The following GRID2 variants were observed in gnomAD, a reference collection of about 807,000 sequenced individuals.
GRID2 encodes glutamate ionotropic receptor delta type subunit 2.
GRID2 carries 33 observed loss-of-function variants against 114.8 expected under a neutral mutation model. The ratio of observed to expected loss-of-function variants is 0.29; its 90% CI spans 0.22 to 0.38. The LOEUF (loss-of-function observed/expected upper bound fraction) is 0.38, where lower values mean the gene tolerates loss of function less well. Ranked by LOEUF, GRID2 falls within the 10% of genes least tolerant of loss-of-function variation. The pLI, the probability that GRID2 is intolerant of heterozygous loss-of-function variation, is 1.00. For synonymous variants in GRID2, 505 were observed against 449.9 expected (o/e 1.12, Z -1.55); for missense variants, 1,184 against 1,257.7 (o/e 0.94, Z 0.89).
chr4:92,355,276 G>A (rs1163928640), intron 1 of GRID2, among the ~76,000 whole-genome samples: 2 of 151,620 alleles, frequency 1.3e-5, no homozygotes, highest in African/African-American at 4.8e-5. Flanking sequence ...CTTTGAAATG[G>A]ATTTTTTTTT....
chr4:92,640,085 T>C (rs1045659968), intron 2 of GRID2, among the ~76,000 whole-genome samples: 1 of 151,798 alleles, frequency 6.6e-6, no homozygotes, highest in African/African-American at 2.4e-5. Context: ...TAGTGCATAA[T>C]GTGCATAATC....
intron 2 of GRID2, among the ~76,000 whole-genome samples, chr4:92,967,106 C>T (rs1404642172): frequency 2.0e-5 from 3 of 151,854 alleles, no homozygotes; most frequent in Non-Finnish European, 4.4e-5. Flanking sequence ...AGGCAACAAA[C>T]TGATAAGGGA....
intron 14 of GRID2, among the ~76,000 whole-genome samples, chr4:93,668,933 G>C (rs770744866): frequency 1.6e-4 from 25 of 152,194 alleles, no homozygotes; most frequent in Admixed American, 3.9e-4. Context: ...GCTTTGGATA[G>C]TTACTTCGTG....
exon 2 of GRID2, chr4:93,808,248 A>G (rs1473470532): frequency 2.0e-5 from 3 of 152,216 alleles, no homozygotes; most frequent in African/African-American, 7.2e-5. Flanking sequence ...GTCAAAAGAC[A>G]GAGCTTCAAG....
At chr4:93,106,054 C>G (rs1483592178) in intron 3 of GRID2, among the ~76,000 whole-genome samples, 1 of 152,132 alleles carries the variant, frequency 6.6e-6, no homozygotes, top group Non-Finnish European at 1.5e-5. Flanking sequence ...TGTTTAATAA[C>G]TCAATTAATG....
chr4:93,092,801 C>T (rs1025218694), intron 3 of GRID2, among the ~76,000 whole-genome samples: 7 of 151,882 alleles, frequency 4.6e-5, no homozygotes, highest in African/African-American at 1.7e-4. Context: ...AAGCTGTTGA[C>T]AACAGATCAG....
chr4:92,937,766 C>T lies in GRID2; in HGVS notation c.245-147229C>T, dbSNP rs574620941. Among the ~76,000 whole-genome samples, 31 of 146,542 alleles carry T rather than the reference C, an allele frequency of 2.1e-4. 5 individuals carry two copies. The highest frequency in any genetic ancestry group is 1.4e-3 in the South Asian group (6 of 4,356). On this transcript the variant is annotated intron_variant, in intron 2 of 15. Coordinates refer to ENST00000282020, the MANE Select transcript of GRID2 (RefSeq NM_001510.4). The stretch of plus-strand genomic sequence containing the variant: ...GAAAAAAATCATTGGGATTTCTATA[C>T]GGATTGCATTGAGCCTGTAGATTGC...
rs73837732 is a variant in GRID2, at chr4:93,243,531, C to T, written c.1245+5041C>T. Among the ~76,000 whole-genome samples, 991 of 152,122 alleles carry T rather than the reference C, an allele frequency of 6.5e-3. 10 individuals carry two copies. Among genetic ancestry groups the T allele is most frequent in the African/African-American group, 0.023 (948 of 41,524 alleles). On this transcript the variant is annotated intron_variant, in intron 8 of 15. Coordinates refer to ENST00000282020, the MANE Select transcript of GRID2 (RefSeq NM_001510.4). ...AGTGGCTCAGTGTATACAAAGACTG[C>T]AGCCTTATCACCTCAAGCAGGGGTA...
At chr4:93,393,962 T>C (rs1006968854) in intron 8 of GRID2, among the ~76,000 whole-genome samples, 1 of 151,986 alleles carries the variant, frequency 6.6e-6, no homozygotes, top group Non-Finnish European at 1.5e-5. Flanking sequence ...AAAATTAAGT[T>C]ATATGGTTGT....
At chr4:92,750,737 A>G (rs1357235721) in intron 2 of GRID2, among the ~76,000 whole-genome samples, 2 of 152,180 alleles carry the variant, frequency 1.3e-5, no homozygotes, top group Non-Finnish European at 2.9e-5. Context: ...CTTATCAACT[A>G]TTAGTTGATT....
At chr4:93,607,735 G>T (rs992184746) in intron 13 of GRID2, among the ~76,000 whole-genome samples, 3 of 152,074 alleles carry the variant, frequency 2.0e-5, no homozygotes, top group Non-Finnish European at 4.4e-5. Flanking sequence ...ATATAAAGCA[G>T]TATGCCCCTC....
chr4:92,497,004 T>A (rs1370218021), intron 1 of GRID2, among the ~76,000 whole-genome samples: 1 of 151,746 alleles, frequency 6.6e-6, no homozygotes, highest in Non-Finnish European at 1.5e-5. Flanking sequence ...TTATCCCCTA[T>A]TTTTTACCTT....
chr4:92,778,663 A>C (rs546528209), intron 2 of GRID2, among the ~76,000 whole-genome samples: 57 of 152,132 alleles, frequency 3.7e-4, no homozygotes, highest in Non-Finnish European at 6.6e-4. Flanking sequence ...GGCAATAATA[A>C]TTTTATGGCA....
At chr4:92,998,823 T>G (rs1169177383) in intron 2 of GRID2, among the ~76,000 whole-genome samples, 1 of 150,414 alleles carries the variant, frequency 6.6e-6, no homozygotes, top group African/African-American at 2.5e-5. Context: ...AGAGGATCAT[T>G]TAAAAAAATA....
intron 14 of GRID2, among the ~76,000 whole-genome samples, chr4:93,664,651 A>G (rs1723794482): frequency 6.6e-6 from 1 of 152,170 alleles, no homozygotes; most frequent in Non-Finnish European, 1.5e-5. Context: ...TGGGGTGGGT[A>G]GGGACGTGAA....
chr4:93,710,859 A>G (rs1343608996), intron 14 of GRID2, among the ~76,000 whole-genome samples: 2 of 151,788 alleles, frequency 1.3e-5, no homozygotes, highest in African/African-American at 4.8e-5. Flanking sequence ...CCCCATGGCC[A>G]CCACTGCCCC....
rs143309524 is a variant in GRID2, at chr4:93,515,711, T to G, written c.2193+300T>G. ...ACAAACATGAAGTTTAAAAAAGTTTTTATAAATCCCATTCCAAATATCATT... is the reference window on the plus strand; with the variant it reads ...ACAAACATGAAGTTTAAAAAAGTTTGTATAAATCCCATTCCAAATATCATT... On this transcript the variant is annotated intron_variant, in intron 13 of 15. Coordinates refer to ENST00000282020, the MANE Select transcript of GRID2 (RefSeq NM_001510.4). Among the ~76,000 whole-genome samples, 17 of 152,276 alleles carry G rather than the reference T, an allele frequency of 1.1e-4. No homozygotes were observed. The East Asian group carries it at 3.1e-3, about 28-fold the overall frequency.
intron 14 of GRID2, among the ~76,000 whole-genome samples, chr4:93,764,125 C>A (rs989189109): frequency 6.6e-6 from 1 of 152,070 alleles, no homozygotes; most frequent in Admixed American, 6.5e-5. Flanking sequence ...GTCTCAAACA[C>A]AAATGAGGCT....
chr4:93,199,998 A>C (rs1560977069), intron 4 of GRID2, among the ~76,000 whole-genome samples: 1 of 152,190 alleles, frequency 6.6e-6, no homozygotes, highest in Non-Finnish European at 1.5e-5. Context: ...TATTTATAAT[A>C]ATTGCATTTT....
Sources: allele counts gnomAD v4.1 joint callset (sites outside exome capture counted in the v4.1 genomes callset), GRCh38; gene constraint gnomAD v4.1.1; transcripts MANE v1.5; gene names NCBI Gene and HGNC (gene_info 2026-07-23, HGNC 2026-07-21).